Variants in KIAA1671 observed in about 807,000 individuals in gnomAD.
The protein encoded by KIAA1671 is KIAA1671.
KIAA1671 carries 52 observed loss-of-function variants against 131.2 expected under a neutral mutation model. That is an observed-to-expected ratio of 0.40 (90% CI 0.32 to 0.50). The LOEUF is 0.50. Among genes scored for constraint, KIAA1671 ranks in the 20% least tolerant of loss-of-function variants. The pLI is 0.73. For synonymous variants in KIAA1671, 1,003 were observed against 961.6 expected, an observed-to-expected ratio of 1.04 and a Z score of -0.80; for missense variants, 2,360 against 2,364.2, an observed-to-expected ratio of 1.00 and a Z score of 0.04.
At chr22:25,176,527 G>A (rs1398992608) in intron 8 of KIAA1671, 1 of 152,216 alleles carries the variant, frequency 6.6e-6, no homozygotes, top group East Asian at 1.9e-4. Flanking sequence ...GTAGGAAGGA[G>A]GCACTCTGTT....
chr22:24,964,198 G>T (rs1011461947), intron 1 of KIAA1671, among the ~76,000 whole-genome samples: 3 of 151,218 alleles, frequency 2.0e-5, no homozygotes, highest in Admixed American at 2.0e-4. Flanking sequence ...GCATGGTGGT[G>T]CATGCCTATA....
At chr22:24,979,069 C>A (rs1403974208) in intron 1 of KIAA1671, among the ~76,000 whole-genome samples, 1 of 151,390 alleles carries the variant, frequency 6.6e-6, no homozygotes, top group Non-Finnish European at 1.5e-5. Context: ...GATCTTGCCT[C>A]ACTGCAACCT....
At chr22:25,161,595 G>C (rs1361017118) in intron 6 of KIAA1671, among the ~76,000 whole-genome samples, 2 of 152,232 alleles carry the variant, frequency 1.3e-5, no homozygotes, top group African/African-American at 4.8e-5. Context: ...TGAGGACCCC[G>C]GCTTTATCTT....
Position 25,039,496 on chromosome 22 carries a change from A to C in KIAA1671, c.2366A>C (p.Gln789Pro), listed in dbSNP as rs2145804999. Reference sequence around the variant, plus strand: ...GACCTGGAGTGTGGTTTGGAAGGTCAGGCGGGGTCCGTCCAAAGGGCCAGT... The same window carrying C: ...GACCTGGAGTGTGGTTTGGAAGGTCCGGCGGGGTCCGTCCAAAGGGCCAGT... ...PADLECGLEG[Q>P]AGSVQRASLI... Residue 789 changes from glutamine to proline, a missense_variant, in exon 5 of 13, where the codon CAG becomes CCG. Gln to Pro is a moderately conservative substitution (Grantham distance 76). Around this residue, in one of 3 missense-constraint regions of KIAA1671, gnomAD observed 1,185 missense variants for 1,126.2 expected, o/e 1.05. Coordinates refer to ENST00000358431, the MANE Select transcript of KIAA1671 (RefSeq NM_001145206.2). 1 of 1,551,792 alleles carries C rather than the reference A, an allele frequency of 6.4e-7. No homozygotes were observed. Among genetic ancestry groups the C allele is most frequent in the Admixed American group, 2.0e-5 (1 of 51,012 alleles).
At chr22:25,087,092 G>C (rs904526925) in intron 6 of KIAA1671, among the ~76,000 whole-genome samples, 5 of 152,068 alleles carry the variant, frequency 3.3e-5, no homozygotes, top group Non-Finnish European at 7.4e-5. Context: ...TCACTTATGT[G>C]AGCCTCAGTT....
intron 6 of KIAA1671, among the ~76,000 whole-genome samples, chr22:25,144,537 A>G (rs945118980): frequency 6.6e-6 from 1 of 152,238 alleles, no homozygotes; most frequent in Non-Finnish European, 1.5e-5. Flanking sequence ...AAGTAGCTCT[A>G]TGGTTTAACA....
rs546754762 is a variant in KIAA1671 at position 25,114,531 on chromosome 22, G to A, written c.4531-56289G>A. Among the ~76,000 whole-genome samples, 22 of 152,344 alleles carry A rather than the reference G, an allele frequency of 1.4e-4. No homozygotes were observed. In the South Asian group the frequency reaches 4.3e-3, roughly 30 times the overall value. On this transcript the variant is annotated intron_variant, in intron 6 of 12. Transcript: ENST00000358431. ...CCCCCTGCCTAGGGGTTGAGTCCTG[G>A]CTCTGCCGCTTCCCAGCTGTGTGAT...
chr22:25,126,372 A>T (rs564243197), intron 6 of KIAA1671, among the ~76,000 whole-genome samples: 3 of 152,158 alleles, frequency 2.0e-5, no homozygotes, highest in African/African-American at 7.2e-5. Flanking sequence ...TTTGGGAAGG[A>T]TGAGGGTTGG....
At chr22:25,158,417 T>C (rs966072804) in intron 6 of KIAA1671, among the ~76,000 whole-genome samples, 15 of 152,076 alleles carry the variant, frequency 9.9e-5, no homozygotes, top group African/African-American at 3.4e-4. Flanking sequence ...GAGAACACAG[T>C]CAAACGATAA....
intron 9 of KIAA1671, 129 bp from the exon 10 acceptor site, chr22:25,181,570 G>A: frequency 9.2e-7 from 1 of 1,082,188 alleles, no homozygotes; most frequent in Non-Finnish European, 1.3e-6. Context: ...TCTGTAAAAT[G>A]GGCCATAGCG....
At position 25,028,800 on chromosome 22, in the gene KIAA1671, G is replaced by A; in HGVS notation, c.801G>A (p.Val267=). Residue 267 remains valine (V), a synonymous_variant, in exon 3 of 13, where the codon GTG becomes GTA. Transcript: ENST00000358431. ...GCGCAGCGGCCACAGTGGGCAAAGT[G>A]CCACCCACCCCTCCCGAGAAGACGT... ...GPGAAATVGK[V]PPTPPEKTWV... The A allele has an allele frequency of 6.4e-7, 1 of 1,551,182 alleles. No homozygotes were observed. Among genetic ancestry groups the A allele is most frequent in the South Asian group, 1.2e-5 (1 of 84,048 alleles).
At chr22:24,998,801 C>A (rs1023608390) in intron 1 of KIAA1671, among the ~76,000 whole-genome samples, 3 of 150,004 alleles carry the variant, frequency 2.0e-5, no homozygotes, top group African/African-American at 7.3e-5. Flanking sequence ...TAAGTGGAAC[C>A]ATCACAAATG....
chr22:25,031,098 C>T (rs1926261178), intron 3 of KIAA1671, among the ~76,000 whole-genome samples: 1 of 152,072 alleles, frequency 6.6e-6, no homozygotes, highest in Non-Finnish European at 1.5e-5. Context: ...GCAATCTCGG[C>T]CCACTGCAAC....
intron 6 of KIAA1671, among the ~76,000 whole-genome samples, chr22:25,096,882 T>C (rs1029912344): frequency 6.6e-6 from 1 of 152,192 alleles, no homozygotes; most frequent in African/African-American, 2.4e-5. Context: ...TCTGCAGTCT[T>C]CTTCATCAGT....
At chr22:25,191,833 G>C (rs4239913) in intron 12 of KIAA1671, among the ~76,000 whole-genome samples, 49,637 of 152,024 alleles carry the variant, frequency 0.33, 8,499 homozygotes, top group East Asian at 0.47. Flanking sequence ...TTTTTCCTAA[G>C]TCAGTGGTAA....
At position 25,040,955 on chromosome 22, in the gene KIAA1671, C is replaced by T; in HGVS notation, c.3825C>T (p.Gly1275=). 1 of 1,477,600 alleles carries T rather than the reference C, an allele frequency of 6.8e-7. No homozygotes were observed. Among genetic ancestry groups the T allele is most frequent in the Non-Finnish European group, 9.0e-7 (1 of 1,113,534 alleles). The allele number at this position is 1,477,600 out of a possible 1,614,324, so 91.5% of individuals were successfully genotyped here. Residue 1275 remains glycine (G), a synonymous_variant, in exon 5 of 13, where the codon GGC becomes GGT. Coordinates refer to ENST00000358431, the MANE Select transcript of KIAA1671 (RefSeq NM_001145206.2). ...SAEINHSFTP[G]LGKQLAETLE... ...AAATAAATCACAGTTTCACTCCTGGCTTAGGCAAGCAGCTGGCAGAGACCT... is the reference window on the plus strand; with the variant it reads ...AAATAAATCACAGTTTCACTCCTGGTTTAGGCAAGCAGCTGGCAGAGACCT...
intron 1 of KIAA1671, among the ~76,000 whole-genome samples, chr22:24,979,641 G>A (rs961443959): frequency 7.2e-5 from 11 of 152,120 alleles, no homozygotes; most frequent in South Asian, 4.2e-4. Flanking sequence ...GAGCCACCGC[G>A]CCCGGCCAAT....
intron 2 of KIAA1671, among the ~76,000 whole-genome samples, chr22:25,027,129 C>A (rs1176883169): frequency 1.3e-5 from 2 of 150,974 alleles, no homozygotes; most frequent in Non-Finnish European, 2.9e-5. Context: ...TGAAGGCAGT[C>A]AGCATAATAT....
At chr22:25,103,213 T>TTTG (rs1930793619) in intron 6 of KIAA1671, among the ~76,000 whole-genome samples, 2 of 15,058 alleles carry the variant, frequency 1.3e-4, no homozygotes, top group African/African-American at 3.2e-3. Flanking sequence ...CCCAACCGCC[T>TTTG]TTTTTTTTTT....
Sources: gnomAD v4.1 joint callset for allele counts (sites outside exome capture counted in the v4.1 genomes callset) on GRCh38, gnomAD v4.1.1 for gene constraint, gnomAD v4.1.1 regional missense constraint, MANE v1.5 for transcripts, NCBI Gene and HGNC (gene_info 2026-07-23, HGNC 2026-07-21) for gene names.